FHOD3: variants seen among roughly 807,000 people sequenced by gnomAD.
FHOD3 encodes formin homology 2 domain containing 3.
FHOD3 carries 90 observed loss-of-function variants against 173.0 expected under a neutral mutation model. The observed-to-expected ratio is 0.52, with a 90% CI of 0.44 to 0.62. The LOEUF is 0.62. Among genes scored for constraint, FHOD3 ranks in the 20% least tolerant of loss-of-function variants. The pLI, the probability that FHOD3 is intolerant of heterozygous loss-of-function variation, is 0.00. For missense variants in FHOD3, 1,945 were observed against 2,034.7 expected, an observed-to-expected ratio of 0.96 and a Z score of 0.85; for synonymous variants, 828 against 823.0, an observed-to-expected ratio of 1.01 and a Z score of -0.10.
At chr18:36,452,231 T>C (rs1334117196) in intron 3 of FHOD3, among the ~76,000 whole-genome samples, 1 of 152,150 alleles carries the variant, frequency 6.6e-6, no homozygotes, top group East Asian at 1.9e-4. Context: ...TTTCCGTACT[T>C]GTACCACTTT....
At chr18:36,686,633 G>T (rs1171427540) in intron 15 of FHOD3, among the ~76,000 whole-genome samples, 1 of 13,136 alleles carries the variant, frequency 7.6e-5, no homozygotes, top group South Asian at 6.0e-3. Context: ...CATGTATCCT[G>T]GAAATAAAAA....
At chr18:36,593,307 A>G (rs1278627157) in intron 6 of FHOD3, among the ~76,000 whole-genome samples, 2 of 152,160 alleles carry the variant, frequency 1.3e-5, no homozygotes, top group African/African-American at 4.8e-5. Context: ...CAGGGGCTGT[A>G]GCACCTCTTT....
At chr18:36,759,227 G>A in intron 26 of FHOD3, 86 bp downstream of exon 26, 1 of 1,392,716 alleles carries the variant, frequency 7.2e-7, no homozygotes, top group Non-Finnish European at 9.8e-7. Flanking sequence ...AGCATGAAGT[G>A]TCAGCACCAT....
At chr18:36,557,523 AC>A (rs2057935883) in intron 5 of FHOD3, among the ~76,000 whole-genome samples, 1 of 152,086 alleles carries the variant, frequency 6.6e-6, no homozygotes, top group African/African-American at 2.4e-5. Flanking sequence ...GTACTACTTA[AC>A]TTTTTGAATA....
At chr18:36,395,837 G>T (rs1292475512) in intron 3 of FHOD3, among the ~76,000 whole-genome samples, 5 of 152,082 alleles carry the variant, frequency 3.3e-5, no homozygotes, top group African/African-American at 1.2e-4. Context: ...AATTCATAAA[G>T]AATTAAAAAT....
intron 9 of FHOD3, 117 bp from the exon 10 acceptor site, chr18:36,625,394 G>T: frequency 1.1e-6 from 1 of 926,848 alleles, no homozygotes; most frequent in Non-Finnish European, 1.5e-6. Context: ...GAGGCGTGCA[G>T]TTTGCGAAGA....
At chr18:36,625,784 G>A (rs757878307) in intron 10 of FHOD3, 35 bp downstream of exon 10, 4 of 1,542,584 alleles carry the variant, frequency 2.6e-6, no homozygotes, top group Middle Eastern at 1.7e-4. Context: ...AGGGGTGCAA[G>A]GATGCCATCC....
intron 17 of FHOD3, among the ~76,000 whole-genome samples, chr18:36,705,947 CTGTGTGTGTGTGTG>C (rs3222016): frequency 0.034 from 4,839 of 142,752 alleles, 83 homozygotes; most frequent in Non-Finnish European, 0.039. Flanking sequence ...TCAGAAGGAA[CTGTGTGTGTGTGTG>C]TGTGTGTGTG....
In FHOD3 at chr18:36,372,712, C is replaced by T. The variant is rs1238368366; in HGVS notation, c.305C>T (p.Thr102Met). Reference sequence around the variant, plus strand: ...AAGAAGCACAGCATCATCCTAAGGACGCAGCTGTCTGTGAGGGTCCATGCC... The same window carrying T: ...AAGAAGCACAGCATCATCCTAAGGATGCAGCTGTCTGTGAGGGTCCATGCC... ...RGKKHSIILR[T>M]QLSVRVHACI... Residue 102 changes from threonine (T) to methionine (M), a missense_variant, in exon 3 of 29, where the codon ACG becomes ATG. Physicochemically the swap from Thr to Met is moderately conservative, Grantham distance 81. Around this residue, in one of 5 missense-constraint regions of FHOD3, gnomAD observed 245 missense variants for 267.7 expected, o/e 0.92. Coordinates refer to ENST00000590592, the MANE Select transcript of FHOD3 (RefSeq NM_001281740.3). 22 of 1,613,966 alleles carry T rather than the reference C, an allele frequency of 1.4e-5. No homozygotes were observed. Among genetic ancestry groups the T allele is most frequent in the Non-Finnish European group, 1.6e-5 (19 of 1,179,932 alleles).
At chr18:36,629,908 A>T in intron 10 of FHOD3, among the ~76,000 whole-genome samples, 1 of 151,976 alleles carries the variant, frequency 6.6e-6, no homozygotes, top group East Asian at 1.9e-4. Context: ...TGGTTGTTAT[A>T]ACTGGGACGG....
rs765285060 is a variant in FHOD3 at position 36,744,093 on chromosome 18, A to G, written c.3941A>G (p.Lys1314Arg). ...KVPEVKDTVH[K>R]QSLLHHVCTM... ...CCAGAAGTCAAAGACACAGTGCACA[A>G]GCAGTCGCTTCTCCACCATGTGTGC... The change falls in exon 23 of 29, where the codon AAG (lysine) becomes AGG (arginine). Residue 1314 changes from lysine (K) to arginine (R), a missense_variant. Around this residue, in one of 5 missense-constraint regions of FHOD3, gnomAD observed 231 missense variants for 321.9 expected, o/e 0.72. Coordinates refer to ENST00000590592, the MANE Select transcript of FHOD3 (RefSeq NM_001281740.3). 3.7e-5 allele frequency: 59 copies of G among 1,614,216 alleles called. No individual in the cohort carries two copies. The highest frequency in any genetic ancestry group is 4.9e-5 in the Non-Finnish European group (58 of 1,180,028).
intron 3 of FHOD3, among the ~76,000 whole-genome samples, chr18:36,410,891 T>C (rs1319285880): frequency 6.6e-6 from 1 of 152,192 alleles, no homozygotes; most frequent in Admixed American, 6.5e-5. Flanking sequence ...AGGAGTTCTT[T>C]ATATATTCTG....
At chr18:36,600,143 T>C (rs1191389140) in intron 7 of FHOD3, among the ~76,000 whole-genome samples, 1 of 152,160 alleles carries the variant, frequency 6.6e-6, no homozygotes, top group Non-Finnish European at 1.5e-5. Flanking sequence ...CCAGATGAGC[T>C]TCCTGAGCCC....
intron 3 of FHOD3, among the ~76,000 whole-genome samples, chr18:36,432,707 A>T (rs921635673): frequency 6.6e-6 from 1 of 152,246 alleles, no homozygotes; most frequent in African/African-American, 2.4e-5. Flanking sequence ...TGCAGAGGAC[A>T]GTAAATGGCT....
intron 17 of FHOD3, among the ~76,000 whole-genome samples, chr18:36,697,137 C>G (rs1180403263): frequency 2.6e-5 from 4 of 152,162 alleles, no homozygotes; most frequent in Non-Finnish European, 5.9e-5. Flanking sequence ...TAAGTAAAGT[C>G]AAGATAGCCA....
At chr18:36,498,682 A>C (rs2054867542) in intron 3 of FHOD3, among the ~76,000 whole-genome samples, 1 of 152,216 alleles carries the variant, frequency 6.6e-6, no homozygotes, top group Non-Finnish European at 1.5e-5. Flanking sequence ...ATCCCTTCTG[A>C]AAGCAGAAGG....
intron 3 of FHOD3, among the ~76,000 whole-genome samples, chr18:36,496,017 C>T (rs557842314): frequency 6.6e-6 from 1 of 152,196 alleles, no homozygotes; most frequent in Admixed American, 6.5e-5. Context: ...GGCCAGGTAC[C>T]GTTCCTGGTT....
At chr18:36,661,413 A>G (rs2036791686) in intron 14 of FHOD3, among the ~76,000 whole-genome samples, 3 of 152,218 alleles carry the variant, frequency 2.0e-5, no homozygotes, top group Admixed American at 1.3e-4. Context: ...ATATATTATT[A>G]AAACCAAAAA....
At chr18:36,693,495 G>A in intron 17 of FHOD3, 72 bp downstream of exon 17, 1 of 1,353,158 alleles carries the variant, frequency 7.4e-7, no homozygotes, top group Non-Finnish European at 1.0e-6. Flanking sequence ...CAGTAGTGAT[G>A]ATTTCAACCT....
Sources: allele counts gnomAD v4.1 joint callset (sites outside exome capture counted in the v4.1 genomes callset), GRCh38; gene constraint gnomAD v4.1.1; regional missense constraint gnomAD v4.1.1; transcripts MANE v1.5; gene names NCBI Gene and HGNC (gene_info 2026-07-23, HGNC 2026-07-21).